FAM135B: variants seen among roughly 807,000 people sequenced by gnomAD.
The protein encoded by FAM135B is protein FAM135B.
Under a neutral mutation model 127.7 loss-of-function variants are expected in FAM135B, and 43 were observed. That is an observed-to-expected ratio of 0.34 (90% CI 0.26 to 0.43). The LOEUF (loss-of-function observed/expected upper bound fraction) is 0.43. FAM135B is among the 20% of genes least tolerant of loss of function. FAM135B has a pLI of 1.00. For synonymous variants in FAM135B, 670 were observed against 665.1 expected, an observed-to-expected ratio of 1.01 and a Z score of -0.11; for missense variants, 1,558 against 1,725.6, an observed-to-expected ratio of 0.90 and a Z score of 1.72.
At chr8:138,182,559 C>T (rs967235091) in intron 9 of FAM135B, among the ~76,000 whole-genome samples, 2 of 152,202 alleles carry the variant, frequency 1.3e-5, no homozygotes, top group African/African-American at 2.4e-5. Context: ...GGGAGCCAAA[C>T]ATAAATGCAT....
chr8:138,374,783 G>A (rs1045493329), intron 1 of FAM135B, among the ~76,000 whole-genome samples: 5 of 152,242 alleles, frequency 3.3e-5, no homozygotes, highest in East Asian at 1.9e-4. Flanking sequence ...CACTTCTGTC[G>A]GGCTGAGTCC....
intron 16 of FAM135B, among the ~76,000 whole-genome samples, chr8:138,142,452 C>T (rs1048507010): frequency 5.3e-5 from 8 of 151,648 alleles, no homozygotes; most frequent in Non-Finnish European, 8.8e-5. Flanking sequence ...TGCAGGTGCC[C>T]GCCACCACTC....
intron 6 of FAM135B, among the ~76,000 whole-genome samples, chr8:138,245,479 G>T (rs982461756): frequency 6.6e-6 from 1 of 152,062 alleles, no homozygotes; most frequent in South Asian, 2.1e-4. Context: ...TTTTATAAGG[G>T]GCTTTCCCCC....
rs568728143 is a variant in FAM135B, at chr8:138,154,438, T to C, written c.1259-1222A>G. 5.9e-5 allele frequency among the ~76,000 whole-genome samples: 9 copies of C among 152,258 alleles called. No individual in the cohort carries two copies. In the South Asian group the frequency reaches 1.7e-3, roughly 28 times the overall value. On this transcript the variant is annotated intron_variant, in intron 12 of 19. Transcript: ENST00000395297. ...CAACAGAACAAAGTTGGATGGAGAATGACTTTGAGGAGTTGACGGAAGTAC... is the reference window on the plus strand; with the variant it reads ...CAACAGAACAAAGTTGGATGGAGAACGACTTTGAGGAGTTGACGGAAGTAC...
intron 2 of FAM135B, among the ~76,000 whole-genome samples, chr8:138,324,661 G>T (rs1390914299): frequency 6.6e-6 from 1 of 152,100 alleles, no homozygotes; most frequent in African/African-American, 2.4e-5. Flanking sequence ...ATCCCTGTAT[G>T]GTGGAAACAA....
intron 2 of FAM135B, among the ~76,000 whole-genome samples, chr8:138,339,556 G>T (rs1371305171): frequency 6.6e-6 from 1 of 151,902 alleles, no homozygotes; most frequent in African/African-American, 2.4e-5. Flanking sequence ...TCAGAAAAAA[G>T]GAGAATGGAT....
At chr8:138,344,963 T>G (rs1427418666) in intron 2 of FAM135B, among the ~76,000 whole-genome samples, 1 of 152,198 alleles carries the variant, frequency 6.6e-6, no homozygotes, top group Non-Finnish European at 1.5e-5. Flanking sequence ...GAGTTTGGGT[T>G]TTATGCTTGT....
At chr8:138,319,579 G>A (rs1393492268) in intron 2 of FAM135B, among the ~76,000 whole-genome samples, 2 of 152,190 alleles carry the variant, frequency 1.3e-5, no homozygotes, top group African/African-American at 4.8e-5. Context: ...GAAAACTTCA[G>A]GCAGTATGCT....
rs371168199 is a variant in FAM135B at position 138,132,753 on chromosome 8, A to G, written c.4061T>C (p.Val1354Ala). The G allele has an allele frequency of 1.7e-5, 28 of 1,614,082 alleles. No individual in the cohort carries two copies. The highest frequency in any genetic ancestry group is 1.1e-4 in the African/African-American group (8 of 74,938). Residue 1354 changes from valine (V) to alanine (A), a missense_variant, in exon 20 of 20, where the codon GTT (valine) becomes GCT (alanine). By Grantham distance (64) the Val-to-Ala change is moderately conservative. This residue lies in a region of FAM135B where 194 missense variants were observed against 333.8 expected (regional missense o/e 0.58). Transcript: ENST00000395297. This position sits in a 1 kb window ranked among gnomAD's most constrained non-coding sequence, Gnocchi z 4.5. ...EMINNLLGPLVEAKDCTLIRH... is the reference protein window; with the variant it reads ...EMINNLLGPLAEAKDCTLIRH... Reference sequence around the variant, plus strand: ...GATTAAAGTGCAGTCCTTGGCTTCAACCAGAGGGCCCAGGAGGTTGTTGAT... The same window carrying G: ...GATTAAAGTGCAGTCCTTGGCTTCAGCCAGAGGGCCCAGGAGGTTGTTGAT...
At chr8:138,324,055 A>T (rs1827635734) in intron 2 of FAM135B, among the ~76,000 whole-genome samples, 2 of 152,220 alleles carry the variant, frequency 1.3e-5, no homozygotes, top group Admixed American at 1.3e-4. Flanking sequence ...TGTCCAGGAA[A>T]CTTGAGGGTA....
chr8:138,265,131 C>T (rs1822816571), intron 4 of FAM135B, among the ~76,000 whole-genome samples: 2 of 152,124 alleles, frequency 1.3e-5, no homozygotes, highest in African/African-American at 4.8e-5. Context: ...TGTTCGATGC[C>T]CTTCCTCTTT....
chr8:138,197,760 T>G, intron 7 of FAM135B, 91 bp from the exon 8 acceptor site: 3 of 1,407,878 alleles, frequency 2.1e-6, no homozygotes, highest in Non-Finnish European at 2.9e-6. Flanking sequence ...CGCACCAACA[T>G]TCACAAAATG....
At chr8:138,146,785 T>C (rs4338148) in intron 14 of FAM135B, among the ~76,000 whole-genome samples, 24,050 of 152,224 alleles carry the variant, frequency 0.16, 2,327 homozygotes, top group African/African-American at 0.27. Context: ...AGGGGTTCAA[T>C]TGTGTCTTAA....
intron 7 of FAM135B, among the ~76,000 whole-genome samples, chr8:138,239,860 G>A (rs2130330654): frequency 6.6e-6 from 1 of 152,276 alleles, no homozygotes; most frequent in Non-Finnish European, 1.5e-5. Flanking sequence ...GGACATGGAT[G>A]AAGCTGGAAA....
At chr8:138,195,946 T>G (rs572343933) in intron 8 of FAM135B, among the ~76,000 whole-genome samples, 1 of 152,334 alleles carries the variant, frequency 6.6e-6, no homozygotes, top group African/African-American at 2.4e-5. Context: ...CATGCTTGCC[T>G]AGCTGAGTGG....
At chr8:138,265,866 AC>A in intron 3 of FAM135B, 24 bp from the exon 4 acceptor site, 1 of 1,610,492 alleles carries the variant, frequency 6.2e-7, no homozygotes, top group Non-Finnish European at 8.5e-7. Flanking sequence ...ATCAGTAGGA[AC>A]CCATGAACTC....
At chr8:138,487,955 G>A (rs1815048069) in intron 1 of FAM135B, among the ~76,000 whole-genome samples, 1 of 152,012 alleles carries the variant, frequency 6.6e-6, no homozygotes. Context: ...AGTGAGCTGA[G>A]ATCGCACCAC....
chr8:138,396,227 G>A (rs1299180727), intron 1 of FAM135B, among the ~76,000 whole-genome samples: 2 of 152,280 alleles, frequency 1.3e-5, no homozygotes, highest in Admixed American at 6.5e-5. Flanking sequence ...CCACTGAAAT[G>A]TAAGCCCTGT....
At chr8:138,174,011 A>G (rs73428820) in intron 11 of FAM135B, among the ~76,000 whole-genome samples, 9,360 of 152,258 alleles carry the variant, frequency 0.061, 511 homozygotes, top group East Asian at 0.17. Context: ...CTTCATTTCC[A>G]TGGCAACCCA....
Sources: gnomAD v4.1 joint callset for allele counts (sites outside exome capture counted in the v4.1 genomes callset) on GRCh38, gnomAD v4.1.1 for gene constraint, gnomAD v4.1.1 regional missense constraint, Gnocchi (gnomAD v3.1) non-coding constraint, MANE v1.5 for transcripts, NCBI Gene and HGNC (gene_info 2026-07-23, HGNC 2026-07-21) for gene names.